Variants in TARBP1 observed in about 807,000 individuals in gnomAD.
TARBP1 encodes tRNA guanosine 2 -O-methyltransferase TARBP1, also known as tRNA (guanosine(18)-2'-O)-methyltransferase TARBP1.
TARBP1 carries 144 observed loss-of-function variants against 178.6 expected under a neutral mutation model. That is an observed-to-expected ratio of 0.81 (90% CI 0.70 to 0.93). TARBP1 has a LOEUF of 0.93. Among genes scored for constraint, TARBP1 ranks in the 40% least tolerant of loss-of-function variants. TARBP1 has a pLI of 0.00. For synonymous variants in TARBP1, 787 were observed against 781.0 expected (o/e 1.01, Z -0.13); for missense variants, 2,067 against 2,011.7 (o/e 1.03, Z -0.53).
intron 3 of TARBP1, among the ~76,000 whole-genome samples, chr1:234,470,912 G>A (rs1266230784): frequency 6.6e-6 from 1 of 152,122 alleles, no homozygotes; most frequent in Non-Finnish European, 1.5e-5. Context: ...CACCACGCCT[G>A]GCCCAAAATT....
intron 24 of TARBP1, among the ~76,000 whole-genome samples, chr1:234,402,632 T>C (rs2103046551): frequency 6.6e-6 from 1 of 152,164 alleles, no homozygotes. Flanking sequence ...TGGAGTGCAG[T>C]GGTGCAATCT....
chr1:234,450,551 G>A lies in TARBP1; in HGVS notation c.1738C>T (p.Arg580Cys), dbSNP rs182635608. The A allele has an allele frequency of 7.4e-5, 119 of 1,607,576 alleles. 2 individuals are homozygous for A. The Admixed American group carries it at 1.5e-3, about 20-fold the overall frequency. ...GGCTTAAAATAGCTTTCATTAACAC[G>A]TAGCCAGTCACACAGCTGGAAAAGA... ...SLWTELCDWL[R>C]VNESYFKPSP... Residue 580 changes from arginine to cysteine, a missense_variant, in exon 10 of 30, where the codon CGT becomes TGT. Physicochemically the swap from Arg to Cys is radical, Grantham distance 180. Coordinates refer to ENST00000040877, the MANE Select transcript of TARBP1 (RefSeq NM_005646.4).
chr1:234,478,759 C>T lies in TARBP1; in HGVS notation c.345G>A (p.Gln115=). ...RSCVRLAGRP[Q]LAAALAEEAL... ...CCTCCTCAGCCAGCGCGGCCGCCAG[C>T]TGCGGACGCCCGGCCAGGCGGACGC... Residue 115 remains glutamine (Q), a synonymous_variant, in exon 1 of 30, where the codon CAG becomes CAA. Coordinates refer to ENST00000040877, the MANE Select transcript of TARBP1 (RefSeq NM_005646.4). 8.8e-7 allele frequency: 1 copy of T among 1,136,936 alleles called. No individual in the cohort carries two copies. Among genetic ancestry groups the T allele is most frequent in the Non-Finnish European group, 1.1e-6 (1 of 929,704 alleles). The allele number at this position is 1,136,936 out of a possible 1,614,324, so 70.4% of individuals were successfully genotyped here.
At chr1:234,474,643 C>A (rs74445282) in intron 1 of TARBP1, among the ~76,000 whole-genome samples, 8,700 of 152,234 alleles carry the variant, frequency 0.057, 423 homozygotes, top group African/African-American at 0.14. Context: ...AACAGCAATA[C>A]TGGAAGCTCT....
At chr1:234,395,223 TCC>T (rs1490248055) in intron 26 of TARBP1, among the ~76,000 whole-genome samples, 4 of 151,820 alleles carry the variant, frequency 2.6e-5, no homozygotes, top group African/African-American at 9.7e-5. Context: ...AGAGCGAGAC[TCC>T]GTCTCAAAGA....
At chr1:234,416,605 G>T (rs538484754) in intron 22 of TARBP1, among the ~76,000 whole-genome samples, 2 of 152,198 alleles carry the variant, frequency 1.3e-5, no homozygotes, top group South Asian at 4.1e-4. Context: ...CCAAAGCATT[G>T]TCATTTCTTA....
chr1:234,464,711 T>C (rs934465079), intron 5 of TARBP1, among the ~76,000 whole-genome samples: 3 of 152,138 alleles, frequency 2.0e-5, no homozygotes, highest in Non-Finnish European at 4.4e-5. Context: ...TTCAAGAAAT[T>C]GGCTGGTGGG....
chr1:234,475,772 A>G (rs1203099151), intron 1 of TARBP1, among the ~76,000 whole-genome samples: 2 of 152,226 alleles, frequency 1.3e-5, no homozygotes, highest in Non-Finnish European at 2.9e-5. Flanking sequence ...GGAGGGACGA[A>G]GCCTTGGCTG....
intron 13 of TARBP1, among the ~76,000 whole-genome samples, chr1:234,435,303 CAAAAATCTACT>C (rs1664891233): frequency 6.7e-6 from 1 of 149,262 alleles, no homozygotes; most frequent in South Asian, 2.1e-4. Context: ...TACAAAAATA[CAAAAATCTACT>C]AAAAATACAA....
At chr1:234,419,027 C>G (rs1409791312) in intron 21 of TARBP1, among the ~76,000 whole-genome samples, 1 of 151,852 alleles carries the variant, frequency 6.6e-6, no homozygotes, top group East Asian at 1.9e-4. Context: ...AAAAAATTAG[C>G]CGGGTGAGGT....
At position 234,430,276 on chromosome 1, in the gene TARBP1, T is replaced by G; in HGVS notation, c.2420A>C (p.Gln807Pro). The change falls in exon 15 of 30, where the codon CAG (glutamine) becomes CCG (proline). Residue 807 changes from glutamine (Q) to proline (P), a missense_variant. Transcript: ENST00000040877. ...CAAGGCAGCCATGCTCACTACTCTC[T>G]GAATCTGACTTCCAACTGTTGGCTC... ...GQEPTVGSQIQRVVSMAALAM... is the reference protein window; with the variant it reads ...GQEPTVGSQIPRVVSMAALAM... 6.2e-7 allele frequency: 1 copy of G among 1,613,902 alleles called. No homozygotes were observed. The highest frequency in any genetic ancestry group is 1.1e-5 in the South Asian group (1 of 91,086).
intron 3 of TARBP1, among the ~76,000 whole-genome samples, chr1:234,468,739 A>C (rs1043339363): frequency 6.6e-6 from 1 of 151,754 alleles, no homozygotes; most frequent in African/African-American, 2.4e-5. Flanking sequence ...CCCCCACTCC[A>C]CACACCAACT....
At chr1:234,449,384 AT>A (rs1313230648) in intron 10 of TARBP1, among the ~76,000 whole-genome samples, 1 of 152,246 alleles carries the variant, frequency 6.6e-6, no homozygotes, top group African/African-American at 2.4e-5. Flanking sequence ...GCAAGAGTAG[AT>A]GCAAGGTAAC....
chr1:234,450,911 C>T (rs1666691518), intron 9 of TARBP1, among the ~76,000 whole-genome samples: 1 of 152,068 alleles, frequency 6.6e-6, no homozygotes, highest in Admixed American at 6.5e-5. Context: ...AAAATGTACA[C>T]TTTAATGAGG....
chr1:234,440,743 A>G (rs1452050459), intron 12 of TARBP1, among the ~76,000 whole-genome samples: 4 of 152,162 alleles, frequency 2.6e-5, no homozygotes, highest in African/African-American at 4.8e-5. Context: ...TATACTAGTA[A>G]CACACAGTTA....
chr1:234,425,636 T>C, intron 20 of TARBP1, 37 bp downstream of exon 20: 1 of 1,594,892 alleles, frequency 6.3e-7, no homozygotes, highest in South Asian at 1.1e-5. Context: ...CCTCTGACTG[T>C]TAAAAACAAA....
At chr1:234,468,408 G>C (rs1448685993) in intron 3 of TARBP1, among the ~76,000 whole-genome samples, 2 of 152,086 alleles carry the variant, frequency 1.3e-5, no homozygotes, top group Non-Finnish European at 2.9e-5. Context: ...GCGGAGGTTA[G>C]AGTGAGCCCA....
intron 2 of TARBP1, among the ~76,000 whole-genome samples, chr1:234,472,295 C>T (rs1669133236): frequency 7.1e-6 from 1 of 140,182 alleles, no homozygotes; most frequent in South Asian, 2.3e-4. Context: ...TGCCACTGAA[C>T]CCCAGCCTGG....
intron 3 of TARBP1, among the ~76,000 whole-genome samples, chr1:234,470,556 C>T (rs1194623730): frequency 2.4e-5 from 3 of 125,842 alleles, no homozygotes; most frequent in African/African-American, 2.9e-5. Flanking sequence ...CCATCATCAA[C>T]GGTTTAAAAA....
Sources: gnomAD v4.1 joint callset for allele counts (sites outside exome capture counted in the v4.1 genomes callset) on GRCh38, gnomAD v4.1.1 for gene constraint, MANE v1.5 for transcripts, NCBI Gene and HGNC (gene_info 2026-07-23, HGNC 2026-07-21) for gene names.